LRCH3: variants seen among roughly 807,000 people sequenced by gnomAD.
LRCH3 encodes the protein leucine rich repeats and calponin homology domain containing 3, also known as DISP complex protein LRCH3.
LRCH3 carries 68 observed loss-of-function variants against 104.5 expected under a neutral mutation model. The ratio of observed to expected loss-of-function variants is 0.65; its 90% CI spans 0.54 to 0.80. The LOEUF (loss-of-function observed/expected upper bound fraction) is 0.80, where lower values mean the gene tolerates loss of function less well. Ranked by LOEUF, LRCH3 falls within the 30% of genes least tolerant of loss-of-function variation. LRCH3 has a pLI of 0.00. For synonymous variants in LRCH3, 344 were observed against 361.3 expected (o/e 0.95, Z 0.54); for missense variants, 951 against 953.9 (o/e 1.00, Z 0.04).
intron 1 of LRCH3, among the ~76,000 whole-genome samples, chr3:197,812,243 C>A (rs1580596711): frequency 6.6e-6 from 1 of 152,122 alleles, no homozygotes; most frequent in East Asian, 1.9e-4. Flanking sequence ...CTAGGGACTT[C>A]ATATAAATGA....
intron 19 of LRCH3, among the ~76,000 whole-genome samples, chr3:197,873,084 G>C (rs991851261): frequency 1.3e-5 from 2 of 152,140 alleles, no homozygotes; most frequent in African/African-American, 4.8e-5. Context: ...TGCTGGTCAG[G>C]TCTGGGCATC....
At chr3:197,831,436 CTT>C (rs1270850082) in intron 7 of LRCH3, 1 of 151,886 alleles carries the variant, frequency 6.6e-6, no homozygotes, top group Non-Finnish European at 1.5e-5. Context: ...ATTAAGTAAA[CTT>C]TTGTTAGCAA....
chr3:197,868,243 C>T (rs1711578739), intron 17 of LRCH3, among the ~76,000 whole-genome samples: 6 of 151,904 alleles, frequency 3.9e-5, no homozygotes, highest in Admixed American at 3.9e-4. Flanking sequence ...ATAAACAATG[C>T]CACAATAAAG....
Position 197,813,510 on chromosome 3 carries a change from A to ATTT in LRCH3, c.263-1362_263-1360dup, listed in dbSNP as rs57062885. 7.3e-4 allele frequency among the ~76,000 whole-genome samples: 48 copies of ATTT among 66,060 alleles called. 1 individual carries two copies. Among genetic ancestry groups the ATTT allele is most frequent in the Non-Finnish European group, 7.3e-4 (23 of 31,722 alleles). The allele number at this position is 66,060 out of a possible 152,430, so 43.3% of individuals were successfully genotyped here. ...CCGTTCTTCTAATGGGAGGCATATA[A>ATTT]TTTTTTTTTTTTTTTTTTTTTTTTT... is the stretch of plus-strand genomic sequence containing the variant. On this transcript the variant is annotated intron_variant, in intron 1 of 20. Transcript: ENST00000425562.
chr3:197,803,661 TA>T (rs1231318383), intron 1 of LRCH3, among the ~76,000 whole-genome samples: 1,800 of 142,456 alleles, frequency 0.013, 23 homozygotes, highest in African/African-American at 0.039. Flanking sequence ...TGAGACTGTT[TA>T]AAAAAAAAAA....
intron 4 of LRCH3, among the ~76,000 whole-genome samples, chr3:197,821,227 G>A (rs1037641936): frequency 3.3e-5 from 5 of 152,196 alleles, no homozygotes; most frequent in East Asian, 3.8e-4. Flanking sequence ...ATGTGGAGGT[G>A]ATGTGTAGAG....
intron 16 of LRCH3, among the ~76,000 whole-genome samples, chr3:197,865,782 T>TC (rs1161458813): frequency 6.6e-6 from 1 of 150,788 alleles, no homozygotes; most frequent in Non-Finnish European, 1.5e-5. Context: ...TTTTTTTTTT[T>TC]CCCATTTTTA....
intron 8 of LRCH3, 108 bp from the exon 9 acceptor site, chr3:197,835,566 G>T: frequency 4.3e-6 from 5 of 1,171,662 alleles, no homozygotes; most frequent in Non-Finnish European, 4.3e-6. Context: ...TTTCAAAATA[G>T]AAAATCATGG....
chr3:197,829,853 G>A (rs1006081333), intron 6 of LRCH3, among the ~76,000 whole-genome samples, 180 bp downstream of exon 6: 1 of 152,232 alleles, frequency 6.6e-6, no homozygotes, highest in Non-Finnish European at 1.5e-5. Context: ...AGTTCTAAGG[G>A]TTTCTCAACC....
intron 1 of LRCH3, among the ~76,000 whole-genome samples, chr3:197,795,683 GTTGTTTTTTTTTTTT>G (rs1260858100): frequency 2.2e-5 from 2 of 92,280 alleles, no homozygotes; most frequent in African/African-American, 9.0e-5. Context: ...TAAAAAAGTT[GTTGTTTTTTTTTTTT>G]TTTTTTTTTT....
intron 8 of LRCH3, among the ~76,000 whole-genome samples, chr3:197,834,186 T>C (rs1736373950): frequency 6.6e-6 from 1 of 151,672 alleles, no homozygotes; most frequent in South Asian, 2.1e-4. Context: ...TAGTAGGAAG[T>C]TTTTTTTTCT....
Position 197,852,538 on chromosome 3 carries a change from TGG to T in LRCH3, c.1531-18_1531-17del, listed in dbSNP as rs756216299. 1.9e-6 allele frequency: 3 copies of T among 1,612,872 alleles called. No homozygotes were observed. In the East Asian group the frequency reaches 6.7e-5, roughly 36 times the overall value. On this transcript the variant is annotated intron_variant, in intron 12 of 20. Transcript: ENST00000425562. ...CCAGGCTCTAACCAACTTCCTTTTT[TGG>T]GGGGTTTTGGGATTATACAGCAAAA...
chr3:197,875,997 A>AAGTAATT (rs1712846482), intron 20 of LRCH3: 1 of 346,658 alleles, frequency 2.9e-6, no homozygotes, highest in Non-Finnish European at 5.1e-6. Flanking sequence ...AAATAAGTAT[A>AAGTAATT]AGTAATTTGA....
Position 197,791,454 on chromosome 3 carries a change from C to A in LRCH3, c.176C>A (p.Thr59Asn). ...LDRALEEAAV[T>N]GVLSLSGRKL... is the part of the protein sequence containing the mutation. ...CGAGCCCTGGAGGAGGCGGCGGTCACTGGGGTGCTGAGCCTGAGCGGCCGG... is the reference window on the plus strand; with the variant it reads ...CGAGCCCTGGAGGAGGCGGCGGTCAATGGGGTGCTGAGCCTGAGCGGCCGG... The change falls in exon 1 of 21, where the codon ACT becomes AAT. Residue 59 changes from threonine (T) to asparagine (N), a missense_variant. Coordinates refer to ENST00000425562, the MANE Select transcript of LRCH3 (RefSeq NM_001365715.1). 6.3e-7 allele frequency: 1 copy of A among 1,599,436 alleles called. No individual in the cohort carries two copies. The highest frequency in any genetic ancestry group is 8.5e-7 in the Non-Finnish European group (1 of 1,174,338).
At position 197,840,758 on chromosome 3, in the gene LRCH3, T is replaced by C. The variant is rs144844802; in HGVS notation, c.1328+1361T>C. On this transcript the variant is annotated intron_variant, in intron 10 of 20. Coordinates refer to ENST00000425562, the MANE Select transcript of LRCH3 (RefSeq NM_001365715.1). Reference sequence around the variant, plus strand: ...CATCACTGTGACATTTATACTCTTATCACTTAACTCATGGAGATTTAATTA... The same window carrying C: ...CATCACTGTGACATTTATACTCTTACCACTTAACTCATGGAGATTTAATTA... Among the ~76,000 whole-genome samples the C allele has an allele frequency of 4.3e-3, 654 of 152,346 alleles. 7 individuals carry two copies. Among genetic ancestry groups the C allele is most frequent in the African/African-American group, 0.015 (622 of 41,578 alleles).
chr3:197,835,666 G>A lies in LRCH3; in HGVS notation c.1103-8G>A, dbSNP rs1414711557. 13 of 1,610,280 alleles carry A rather than the reference G, an allele frequency of 8.1e-6. No homozygotes were observed. Among genetic ancestry groups the A allele is most frequent in the South Asian group, 2.2e-5 (2 of 90,710 alleles). ...GTGTGTGTGTGGGTGTGTGTGTGGT[G>A]TATACAGTGGAACATGATCTGGATC... On this transcript the variant is annotated splice_region_variant and splice_polypyrimidine_tract_variant and intron_variant, in intron 8 of 20. Coordinates refer to ENST00000425562, the MANE Select transcript of LRCH3 (RefSeq NM_001365715.1).
chr3:197,880,462 T>C (rs868644607), intron 20 of LRCH3: 6 of 1,350,206 alleles, frequency 4.4e-6, no homozygotes, highest in Middle Eastern at 1.8e-4. Context: ...GCATTTCTGA[T>C]CCACTGACTT....
intron 1 of LRCH3, among the ~76,000 whole-genome samples, chr3:197,802,522 C>T (rs549170667): frequency 6.6e-6 from 1 of 152,100 alleles, no homozygotes; most frequent in African/African-American, 2.4e-5. Context: ...ATGCTGGCCT[C>T]GTAAAATGCG....
intron 10 of LRCH3, among the ~76,000 whole-genome samples, chr3:197,841,944 C>T (rs1054367476): frequency 6.6e-6 from 1 of 152,104 alleles, no homozygotes; most frequent in Non-Finnish European, 1.5e-5. Context: ...GCAATCCTCC[C>T]ACCTCAGCCG....
Sources: gnomAD v4.1 joint callset for allele counts (sites outside exome capture counted in the v4.1 genomes callset) on GRCh38, gnomAD v4.1.1 for gene constraint, MANE v1.5 for transcripts, NCBI Gene and HGNC (gene_info 2026-07-23, HGNC 2026-07-21) for gene names.